NIPBL: variants seen among roughly 807,000 people sequenced by gnomAD.
NIPBL encodes NIPBL cohesin loading factor, also known as nipped-B-like protein.
NIPBL carries 19 observed loss-of-function variants against 321.8 expected under a neutral mutation model. The observed-to-expected ratio is 0.06, with a 90% confidence interval of 0.04 to 0.09. NIPBL has a LOEUF of 0.09. Ranked by LOEUF, NIPBL falls within the 10% of genes least tolerant of loss-of-function variation. The probability of loss-of-function intolerance (pLI) is 1.00; values close to 1 mark genes in which losing one functional copy is unlikely to be tolerated. For synonymous variants in NIPBL, 1,106 were observed against 1,114.1 expected, an observed-to-expected ratio of 0.99 and a Z score of 0.14; for missense variants, 2,210 against 3,327.0, an observed-to-expected ratio of 0.66 and a Z score of 8.26.
In NIPBL at chr5:36,976,307, A is replaced by T. The variant is rs1743445885; in HGVS notation, c.1400A>T (p.Asp467Val). 6.2e-7 allele frequency: 1 copy of T among 1,613,622 alleles called. No homozygotes were observed. Among genetic ancestry groups the T allele is most frequent in the Non-Finnish European group, 8.5e-7 (1 of 1,179,848 alleles). ...QQISQQGPIY[D>V]EVELDALAEI... ...ATATCACAACAGGGACCTATATATG[A>T]TGAAGTGGAATTGGATGCATTGGCT... Residue 467 changes from aspartate (D) to valine (V), a missense_variant, in exon 9 of 47, where the codon GAT (aspartate) becomes GTT (valine). Asp to Val is a radical substitution (Grantham distance 152). This residue lies in a region of NIPBL where 464 missense variants were observed against 529.5 expected (regional missense o/e 0.88). Coordinates refer to ENST00000282516, the MANE Select transcript of NIPBL (RefSeq NM_133433.4).
intron 34 of NIPBL, among the ~76,000 whole-genome samples, chr5:37,040,862 C>G (rs1388288610): frequency 6.6e-6 from 1 of 152,184 alleles, no homozygotes; most frequent in Non-Finnish European, 1.5e-5. Context: ...CTTTGCCAGT[C>G]TAACAGGTGG....
intron 4 of NIPBL, 65 bp downstream of exon 4, chr5:36,958,296 C>G: frequency 1.3e-6 from 2 of 1,535,456 alleles, no homozygotes; most frequent in Middle Eastern, 1.7e-4. Flanking sequence ...ATCCAGGTGT[C>G]TTCTTTAACA....
At chr5:37,049,355 T>C (rs1753286324) in intron 40 of NIPBL, 54 bp downstream of exon 40, 2 of 1,545,764 alleles carry the variant, frequency 1.3e-6, no homozygotes, top group Admixed American at 3.3e-5. Context: ...TTAGTTGTAA[T>C]TTGATACATT....
intron 1 of NIPBL, among the ~76,000 whole-genome samples, chr5:36,902,953 T>C (rs531073286): frequency 6.6e-6 from 1 of 152,278 alleles, no homozygotes; most frequent in East Asian, 1.9e-4. Flanking sequence ...TTTAGCAGTG[T>C]TTTCTAATTC....
intron 34 of NIPBL, among the ~76,000 whole-genome samples, chr5:37,041,710 G>A (rs914365049): frequency 4.0e-5 from 6 of 151,874 alleles, no homozygotes; most frequent in African/African-American, 1.5e-4. Context: ...TTTTACAGGT[G>A]TGCACCACCA....
intron 1 of NIPBL, among the ~76,000 whole-genome samples, chr5:36,904,394 G>A (rs745823917): frequency 2.6e-5 from 4 of 152,146 alleles, no homozygotes; most frequent in Admixed American, 1.3e-4. Context: ...ACTTGAACCC[G>A]GGAGGCGGAG....
At chr5:36,908,244 G>A (rs1747790540) in intron 1 of NIPBL, among the ~76,000 whole-genome samples, 1 of 152,104 alleles carries the variant, frequency 6.6e-6, no homozygotes. Flanking sequence ...ATTACCGAGT[G>A]CTTTAGTGTT....
At chr5:36,982,464 GT>G (rs1744253769) in intron 9 of NIPBL, among the ~76,000 whole-genome samples, 1 of 151,696 alleles carries the variant, frequency 6.6e-6, no homozygotes, top group Admixed American at 6.6e-5. Flanking sequence ...AATTTTCCAG[GT>G]TTTACAGGAG....
intron 1 of NIPBL, among the ~76,000 whole-genome samples, chr5:36,936,488 TA>T (rs1211596584): frequency 6.6e-6 from 1 of 152,202 alleles, no homozygotes. Flanking sequence ...TAGTAGGCTA[TA>T]ACATCTAGGT....
intron 34 of NIPBL, among the ~76,000 whole-genome samples, chr5:37,043,805 A>G (rs1199571632): frequency 6.6e-6 from 1 of 152,208 alleles, no homozygotes; most frequent in Non-Finnish European, 1.5e-5. Flanking sequence ...ACAGGACTAG[A>G]TGATTCTTTG....
intron 25 of NIPBL, among the ~76,000 whole-genome samples, chr5:37,019,958 A>C (rs1434178099): frequency 6.6e-6 from 1 of 152,196 alleles, no homozygotes; most frequent in Non-Finnish European, 1.5e-5. Context: ...TCTTCAGCCA[A>C]ATACTGTAGG....
chr5:37,059,278 G>A lies in NIPBL; in HGVS notation c.7685+113G>A, dbSNP rs187250694. ...TCCCAACATTTTGGGAGGCTGAGGCGGGCAGATCCCCTGAGGTCAGGAGTT... is the reference window on the plus strand; with the variant it reads ...TCCCAACATTTTGGGAGGCTGAGGCAGGCAGATCCCCTGAGGTCAGGAGTT... On this transcript the variant is annotated intron_variant, in intron 44 of 46. Transcript: ENST00000282516. 7.2e-4 allele frequency: 802 copies of A among 1,118,330 alleles called. 5 individuals are homozygous for A. The African/African-American group carries it at 0.011, about 16-fold the overall frequency. The allele number at this position is 1,118,330 out of a possible 1,614,324, so 69.3% of individuals were successfully genotyped here. A position where few individuals can be genotyped will look rare whatever the true frequency, so the allele number is the denominator to read the frequency against.
At chr5:37,056,989 T>C (rs1474609700) in intron 42 of NIPBL, among the ~76,000 whole-genome samples, 197 bp from the exon 43 acceptor site, 2 of 151,750 alleles carry the variant, frequency 1.3e-5, no homozygotes, top group Non-Finnish European at 1.5e-5. Flanking sequence ...TTTCCCTTTT[T>C]CCCCCCTCTA....
chr5:36,999,860 G>A (rs1048792354), intron 11 of NIPBL, among the ~76,000 whole-genome samples: 6 of 152,212 alleles, frequency 3.9e-5, no homozygotes, highest in Middle Eastern at 6.8e-3. Flanking sequence ...GGAATTTATC[G>A]CTGAGTTGTG....
At chr5:36,968,920 T>G (rs2149616713) in intron 6 of NIPBL, among the ~76,000 whole-genome samples, 1 of 152,190 alleles carries the variant, frequency 6.6e-6, no homozygotes, top group East Asian at 1.9e-4. Context: ...TCATAGAAAA[T>G]CCAAGATAAG....
chr5:37,014,991 A>G (rs1041118045), intron 22 of NIPBL, among the ~76,000 whole-genome samples: 1 of 152,134 alleles, frequency 6.6e-6, no homozygotes, highest in African/African-American at 2.4e-5. Context: ...GAATTTGCTT[A>G]TATGTTAGAC....
rs545449231 is a variant in NIPBL at position 37,065,814 on chromosome 5, A to T, written c.*922A>T. 1 of 152,702 alleles carries T rather than the reference A, an allele frequency of 6.5e-6. No individual in the cohort carries two copies. The highest frequency in any genetic ancestry group is 1.9e-4 in the East Asian group (1 of 5,182). 9.5% of individuals were successfully genotyped at this position (152,702 alleles called of 1,614,324 possible). A position where few individuals can be genotyped will look rare whatever the true frequency, so the allele number is the denominator to read the frequency against. On this transcript the variant is annotated 3_prime_UTR_variant, in exon 47 of 47. Transcript: ENST00000282516. ...ACATTTTGATATAAAAAGAAACTAT[A>T]GTTTATTCCTTGTATGCTTCAATTT...
chr5:37,002,536 T>G (rs6876156), intron 14 of NIPBL, 126 bp from the exon 15 acceptor site: 1 of 696,942 alleles, frequency 1.4e-6, no homozygotes, highest in South Asian at 1.5e-5. Flanking sequence ...GGTTTATATA[T>G]AGAGGCGTCT....
intron 1 of NIPBL, among the ~76,000 whole-genome samples, chr5:36,910,551 C>T (rs986092518): frequency 1.3e-5 from 2 of 152,134 alleles, no homozygotes; most frequent in African/African-American, 4.8e-5. Flanking sequence ...CACTTCATAC[C>T]TAGATTATTA....
Sources: gnomAD v4.1 joint callset for allele counts (sites outside exome capture counted in the v4.1 genomes callset) on GRCh38, gnomAD v4.1.1 for gene constraint, gnomAD v4.1.1 regional missense constraint, MANE v1.5 for transcripts, NCBI Gene and HGNC (gene_info 2026-07-23, HGNC 2026-07-21) for gene names.